The following SH3RF3 variants were observed in gnomAD, a reference collection of about 807,000 sequenced individuals.
SH3RF3 encodes SH3 domain containing ring finger 3.
SH3RF3 carries 29 observed loss-of-function variants against 66.3 expected under a neutral mutation model. The ratio of observed to expected loss-of-function variants is 0.44; its 90% CI spans 0.33 to 0.60. The LOEUF (loss-of-function observed/expected upper bound fraction) is 0.60, where lower values mean the gene tolerates loss of function less well. Among genes scored for constraint, SH3RF3 ranks in the 20% least tolerant of loss-of-function variants. The pLI, the probability that SH3RF3 is intolerant of heterozygous loss-of-function variation, is 0.04. For synonymous variants in SH3RF3, 583 were observed against 532.0 expected, an observed-to-expected ratio of 1.10 and a Z score of -1.32; for missense variants, 1,194 against 1,190.9, an observed-to-expected ratio of 1.00 and a Z score of -0.04.
At chr2:109,269,211 G>A (rs1417762477) in intron 1 of SH3RF3, among the ~76,000 whole-genome samples, 1 of 152,226 alleles carries the variant, frequency 6.6e-6, no homozygotes, top group Non-Finnish European at 1.5e-5. Context: ...CGCCCTGGGA[G>A]CAGCTACTGT....
At chr2:109,439,291 T>C (rs1394745521) in intron 7 of SH3RF3, among the ~76,000 whole-genome samples, 1 of 152,098 alleles carries the variant, frequency 6.6e-6, no homozygotes, top group Non-Finnish European at 1.5e-5. Flanking sequence ...GGCTCCCCAG[T>C]GCATCCCAGC....
At chr2:109,494,980 G>A (rs548809307) in intron 9 of SH3RF3, among the ~76,000 whole-genome samples, 4 of 152,254 alleles carry the variant, frequency 2.6e-5, no homozygotes, top group Admixed American at 6.5e-5. Context: ...CCGGGTCAGC[G>A]AGGCTGGCAG....
rs529180035 is a variant in SH3RF3 at position 109,164,468 on chromosome 2, G to A, written c.573+34355G>A. On this transcript the variant is annotated intron_variant, in intron 1 of 9. Transcript: ENST00000309415. ...TGAGTAGCTGGGACTACAGCTGTGAGCCACAGTATTTGGCCCTATTTAATT... is the reference window on the plus strand; with the variant it reads ...TGAGTAGCTGGGACTACAGCTGTGAACCACAGTATTTGGCCCTATTTAATT... Among the ~76,000 whole-genome samples, 4 of 152,324 alleles carry A rather than the reference G, an allele frequency of 2.6e-5. No individual in the cohort carries two copies. In the East Asian group the frequency reaches 5.8e-4, roughly 22 times the overall value.
chr2:109,264,754 G>A (rs1680448760), intron 1 of SH3RF3, among the ~76,000 whole-genome samples: 1 of 152,178 alleles, frequency 6.6e-6, no homozygotes, highest in African/African-American at 2.4e-5. Context: ...GGCCCACTGG[G>A]CGGGCATCTC....
Position 109,232,035 on chromosome 2 carries a change from G to A in SH3RF3, c.573+101922G>A, listed in dbSNP as rs555721566. Reference sequence around the variant, plus strand: ...CCACGTTTTATTTATCCGTTCATTAGATGATGGACATTTGGGTTGTTTTCA... The same window carrying A: ...CCACGTTTTATTTATCCGTTCATTAAATGATGGACATTTGGGTTGTTTTCA... On this transcript the variant is annotated intron_variant, in intron 1 of 9. Transcript: ENST00000309415. 2.7e-3 allele frequency among the ~76,000 whole-genome samples: 414 copies of A among 152,316 alleles called. 4 individuals are homozygous for A. The highest frequency in any genetic ancestry group is 9.6e-3 in the African/African-American group (398 of 41,560).
intron 3 of SH3RF3, among the ~76,000 whole-genome samples, chr2:109,372,989 G>A (rs984788524): frequency 6.6e-6 from 1 of 152,190 alleles, no homozygotes; most frequent in Non-Finnish European, 1.5e-5. Context: ...TTAGTCCATA[G>A]TCTATTTTGC....
chr2:109,419,032 T>C (rs1299007303), intron 4 of SH3RF3, among the ~76,000 whole-genome samples: 1 of 152,182 alleles, frequency 6.6e-6, no homozygotes. Flanking sequence ...TTGGAGCACT[T>C]TGGGGTCTTG....
chr2:109,153,736 G>A (rs964467203), intron 1 of SH3RF3, among the ~76,000 whole-genome samples: 3 of 152,188 alleles, frequency 2.0e-5, no homozygotes, highest in East Asian at 1.9e-4. Context: ...GTTTTGTGCT[G>A]AGCTGGGTTC....
rs918358650 is a variant in SH3RF3 at position 109,348,034 on chromosome 2, A to G, written c.849+85A>G. On this transcript the variant is annotated intron_variant, in intron 2 of 9. Coordinates refer to ENST00000309415, the MANE Select transcript of SH3RF3 (RefSeq NM_001099289.3). ...TCTTCCCAGCCACAGACCTATAGCCAGACAGTCTTTCTTCAGAGTCTGAAT... is the reference window on the plus strand; with the variant it reads ...TCTTCCCAGCCACAGACCTATAGCCGGACAGTCTTTCTTCAGAGTCTGAAT... The G allele has an allele frequency of 1.2e-5, 18 of 1,482,336 alleles. No individual in the cohort carries two copies. In the Admixed American group the frequency reaches 1.9e-4, roughly 16 times the overall value. The allele number at this position is 1,482,336 out of a possible 1,614,324, so 91.8% of individuals were successfully genotyped here. A position where few individuals can be genotyped will look rare whatever the true frequency, so the allele number is the denominator to read the frequency against.
rs1007832537 is a variant in SH3RF3, at chr2:109,403,919, T to C, written c.1299+4976T>C. Reference sequence around the variant, plus strand: ...CCACTGTGAGGGTGGAGTGAGGGCGTGCGTGCGGGCTGCCCTCCTTGGTAG... The same window carrying C: ...CCACTGTGAGGGTGGAGTGAGGGCGCGCGTGCGGGCTGCCCTCCTTGGTAG... On this transcript the variant is annotated intron_variant, in intron 4 of 9. Transcript: ENST00000309415. Among the ~76,000 whole-genome samples, 4 of 152,268 alleles carry C rather than the reference T, an allele frequency of 2.6e-5. No individual in the cohort carries two copies. In the East Asian group the frequency reaches 5.8e-4, roughly 22 times the overall value.
At chr2:109,386,209 G>A (rs532262982) in intron 3 of SH3RF3, among the ~76,000 whole-genome samples, 1 of 152,248 alleles carries the variant, frequency 6.6e-6, no homozygotes, top group Non-Finnish European at 1.5e-5. Context: ...GAAGGAGGAA[G>A]TGACCCAGGC....
intron 3 of SH3RF3, among the ~76,000 whole-genome samples, chr2:109,388,896 C>T (rs1222005856): frequency 6.6e-6 from 1 of 152,110 alleles, no homozygotes; most frequent in Non-Finnish European, 1.5e-5. Flanking sequence ...TGGAGGCTTT[C>T]TAGGTAATAG....
intron 1 of SH3RF3, among the ~76,000 whole-genome samples, chr2:109,292,933 T>A (rs1559005893): frequency 6.6e-6 from 1 of 152,292 alleles, no homozygotes; most frequent in East Asian, 1.9e-4. Flanking sequence ...GGTTTCACCA[T>A]GTTGGTCAGG....
intron 1 of SH3RF3, among the ~76,000 whole-genome samples, chr2:109,284,425 G>A (rs1233546136): frequency 6.6e-6 from 1 of 152,190 alleles, no homozygotes; most frequent in Admixed American, 6.5e-5. Flanking sequence ...ATTCCCAAAG[G>A]TGGCTGGTCT....
chr2:109,143,215 G>A (rs964181281), intron 1 of SH3RF3, among the ~76,000 whole-genome samples: 2 of 152,138 alleles, frequency 1.3e-5, no homozygotes, highest in Non-Finnish European at 2.9e-5. Context: ...GCAGTTGCAT[G>A]GAATTTCATT....
chr2:109,390,713 C>T (rs1308751677), intron 3 of SH3RF3, among the ~76,000 whole-genome samples: 2 of 152,160 alleles, frequency 1.3e-5, no homozygotes, highest in African/African-American at 2.4e-5. Context: ...CATTGACAGC[C>T]GCAGGGCAGC....
At chr2:109,431,196 C>A (rs946614701) in intron 5 of SH3RF3, among the ~76,000 whole-genome samples, 2 of 152,180 alleles carry the variant, frequency 1.3e-5, no homozygotes, top group Admixed American at 1.3e-4. Flanking sequence ...TCCCTCATAT[C>A]CCCAGAGATG....
At chr2:109,415,686 G>A (rs557112069) in intron 4 of SH3RF3, among the ~76,000 whole-genome samples, 34 of 152,174 alleles carry the variant, frequency 2.2e-4, no homozygotes, top group South Asian at 1.7e-3. Context: ...GAGGCCCCAC[G>A]CAGCCTGTCC....
intron 8 of SH3RF3, among the ~76,000 whole-genome samples, chr2:109,471,686 C>G (rs1678515292): frequency 6.6e-6 from 1 of 152,192 alleles, no homozygotes; most frequent in African/African-American, 2.4e-5. Flanking sequence ...GGGGCGGGGT[C>G]TAAGTCTCTT....
Sources: gnomAD v4.1 joint callset for allele counts (sites outside exome capture counted in the v4.1 genomes callset) on GRCh38, gnomAD v4.1.1 for gene constraint, MANE v1.5 for transcripts, NCBI Gene and HGNC (gene_info 2026-07-23, HGNC 2026-07-21) for gene names.